SAMD5: variants seen among roughly 807,000 people sequenced by gnomAD.
The protein encoded by SAMD5 is sterile alpha motif domain-containing protein 5.
Under a neutral mutation model 11.3 loss-of-function variants are expected in SAMD5, and 13 were observed. The ratio of observed to expected loss-of-function variants is 1.15; its 90% CI spans 0.75 to 1.83. The LOEUF (loss-of-function observed/expected upper bound fraction) is 1.83, where lower values mean the gene tolerates loss of function less well. Ranked by LOEUF, SAMD5 falls within the 40% of genes most tolerant of loss-of-function variation. The pLI is 0.00. For synonymous variants in SAMD5, 129 were observed against 111.3 expected, an observed-to-expected ratio of 1.16 and a Z score of -1.00; for missense variants, 255 against 239.1, an observed-to-expected ratio of 1.07 and a Z score of -0.44.
At chr6:147,842,281 T>A in the SAMD5 span, among the ~76,000 whole-genome samples, 2 of 152,164 alleles carry the variant, frequency 1.3e-5, no homozygotes, top group Admixed American at 6.5e-5. Context: ...ACGCTTTCTC[T>A]CCAAAGTGAA....
chr6:147,837,326 A>T, the SAMD5 span, among the ~76,000 whole-genome samples: 1 of 152,198 alleles, frequency 6.6e-6, no homozygotes, highest in South Asian at 2.1e-4. Context: ...ACCAATCACG[A>T]AAGTCCCATT....
At position 147,512,964 on chromosome 6, in the gene SAMD5, T is replaced by C. The variant is rs528927768; in HGVS notation, c.459+3577T>C. Among the ~76,000 whole-genome samples, 11 of 152,324 alleles carry C rather than the reference T, an allele frequency of 7.2e-5. No individual in the cohort carries two copies. In the South Asian group the frequency reaches 1.0e-3, roughly 14 times the overall value. ...TCTCAGTTTTTCCAGAACTGGCCTATGACCTGAGTACTGACGGTTGAGCAT... is the reference window on the plus strand; with the variant it reads ...TCTCAGTTTTTCCAGAACTGGCCTACGACCTGAGTACTGACGGTTGAGCAT... On this transcript the variant is annotated intron_variant, in intron 1 of 1. Coordinates refer to ENST00000367474, the MANE Select transcript of SAMD5 (RefSeq NM_001030060.3).
intron 1 of SAMD5, among the ~76,000 whole-genome samples, chr6:147,552,745 C>CT (rs543647237): frequency 3.7e-4 from 56 of 152,256 alleles, no homozygotes; most frequent in African/African-American, 1.3e-3. Flanking sequence ...GAGGCGCAGT[C>CT]TGTGTTTTTA....
the SAMD5 span, among the ~76,000 whole-genome samples, chr6:147,801,147 C>T: frequency 6.6e-6 from 1 of 152,064 alleles, no homozygotes; most frequent in Admixed American, 6.6e-5. Flanking sequence ...TGACATAGTA[C>T]AAGGATTAAT....
At chr6:147,728,179 A>T (rs1282776703) in intron 1 of SAMD5, among the ~76,000 whole-genome samples, 1 of 152,184 alleles carries the variant, frequency 6.6e-6, no homozygotes, top group African/African-American at 2.4e-5. Context: ...TAATCCCAGC[A>T]CTTTGGGAGA....
chr6:147,575,385 A>G (rs963767195), intron 1 of SAMD5, among the ~76,000 whole-genome samples: 1 of 152,230 alleles, frequency 6.6e-6, no homozygotes, highest in Admixed American at 6.5e-5. Context: ...TTCTTTTCTC[A>G]AATGGCCATT....
the SAMD5 span, among the ~76,000 whole-genome samples, chr6:147,913,483 G>A: frequency 3.6e-3 from 541 of 152,246 alleles, 3 homozygotes; most frequent in African/African-American, 0.013. Flanking sequence ...ATCACCTGAG[G>A]TCAGGAGTTC....
the SAMD5 span, among the ~76,000 whole-genome samples, chr6:147,919,445 C>T: frequency 6.6e-6 from 1 of 152,102 alleles, no homozygotes; most frequent in Non-Finnish European, 1.5e-5. Flanking sequence ...AAACAAACAC[C>T]ATAAGACAGT....
chr6:147,722,280 T>G (rs534455399), intron 1 of SAMD5, among the ~76,000 whole-genome samples: 19 of 146,984 alleles, frequency 1.3e-4, no homozygotes, highest in South Asian at 2.1e-4. Flanking sequence ...TCGATTTGTG[T>G]TTTTTTTTTC....
the SAMD5 span, among the ~76,000 whole-genome samples, chr6:147,934,668 A>C: frequency 1.3e-5 from 2 of 152,042 alleles, no homozygotes; most frequent in African/African-American, 2.4e-5. Context: ...TGAGAGAGAG[A>C]GGGAGCAAAA....
chr6:147,548,551 T>C (rs1788720571), intron 1 of SAMD5, among the ~76,000 whole-genome samples: 1 of 152,212 alleles, frequency 6.6e-6, no homozygotes, highest in South Asian at 2.1e-4. Context: ...CGTTTGTGAT[T>C]CTGAGAACAG....
the SAMD5 span, among the ~76,000 whole-genome samples, chr6:147,921,274 AACACACAC>A: frequency 0.011 from 1,559 of 141,068 alleles, 25 homozygotes; most frequent in African/African-American, 0.038. Context: ...GAGAGTATAA[AACACACAC>A]ACACACACAC....
At chr6:147,601,295 A>G (rs844606) in intron 1 of SAMD5, among the ~76,000 whole-genome samples, 111,006 of 152,000 alleles carry the variant, frequency 0.73, 41,023 homozygotes, top group African/African-American at 0.84. Flanking sequence ...TTTATAGATT[A>G]TAAATGTACC....
At chr6:147,884,315 C>T in the SAMD5 span, among the ~76,000 whole-genome samples, 7 of 152,044 alleles carry the variant, frequency 4.6e-5, no homozygotes, top group Non-Finnish European at 8.8e-5. Context: ...TCCTTTGCAT[C>T]CACCAAGACG....
At chr6:147,682,620 A>G (rs1412716123) in intron 1 of SAMD5, among the ~76,000 whole-genome samples, 2 of 152,230 alleles carry the variant, frequency 1.3e-5, no homozygotes, top group Non-Finnish European at 2.9e-5. Flanking sequence ...TTTTTAATGA[A>G]TGTACATGTA....
the SAMD5 span, among the ~76,000 whole-genome samples, chr6:147,749,472 A>G: frequency 6.6e-6 from 1 of 152,108 alleles, no homozygotes; most frequent in Admixed American, 6.6e-5. Context: ...CCAACCTGTT[A>G]GTAATAATTT....
At chr6:147,801,990 A>G in the SAMD5 span, among the ~76,000 whole-genome samples, 2 of 152,346 alleles carry the variant, frequency 1.3e-5, no homozygotes, top group South Asian at 2.1e-4. Flanking sequence ...GACTATGTTC[A>G]TGACCTTGGG....
At chr6:147,923,114 T>A in the SAMD5 span, among the ~76,000 whole-genome samples, 2 of 152,142 alleles carry the variant, frequency 1.3e-5, no homozygotes, top group Non-Finnish European at 2.9e-5. Context: ...GGGGTTACCG[T>A]CTGTCTCAAA....
At chr6:147,738,838 A>G (rs193102018), downstream of SAMD5, among the ~76,000 whole-genome samples, 12 of 152,338 alleles carry the variant, frequency 7.9e-5, no homozygotes, top group East Asian at 2.3e-3. Context: ...GGATATTTAT[A>G]TGTGAAATCT....
Sources: gnomAD v4.1 joint callset for allele counts (sites outside exome capture counted in the v4.1 genomes callset) on GRCh38, gnomAD v4.1.1 for gene constraint, MANE v1.5 for transcripts, NCBI Gene and HGNC (gene_info 2026-07-23, HGNC 2026-07-21) for gene names.